Variants in SATB1 observed in about 807,000 individuals in gnomAD.
SATB1 encodes the protein DNA-binding protein SATB1.
SATB1 carries 11 observed loss-of-function variants against 86.9 expected under a neutral mutation model. The observed-to-expected ratio is 0.13, with a 90% confidence interval of 0.08 to 0.21. The LOEUF is 0.21. Among genes scored for constraint, SATB1 ranks in the 10% least tolerant of loss-of-function variants. The pLI is 1.00. For missense variants in SATB1, 551 were observed against 937.6 expected (o/e 0.59, Z 5.39); for synonymous variants, 357 against 357.2 (o/e 1.00, Z 0.01).
intron 7 of SATB1, among the ~76,000 whole-genome samples, chr3:18,390,227 A>C (rs1696582678): frequency 6.6e-6 from 1 of 152,178 alleles, no homozygotes; most frequent in Non-Finnish European, 1.5e-5. Flanking sequence ...CTTTGAACAT[A>C]ATCACTGATT....
Position 18,352,592 on chromosome 3 carries a change from G to T in SATB1, c.1576-397C>A, listed in dbSNP as rs1423062938. On this transcript the variant is annotated intron_variant, in intron 9 of 10. Transcript: ENST00000338745. This position sits in a 1 kb window ranked among gnomAD's most constrained non-coding sequence, Gnocchi z 4.1. ...TGCCTAAGAGGCAGGACAGATTTTAGAAATAATTTTTTTCTAAAAGGATTT... is the reference window on the plus strand; with the variant it reads ...TGCCTAAGAGGCAGGACAGATTTTATAAATAATTTTTTTCTAAAAGGATTT... 5.5e-6 allele frequency: 1 copy of T among 181,916 alleles called. No homozygotes were observed. The highest frequency in any genetic ancestry group is 1.2e-5 in the Non-Finnish European group (1 of 84,798). The allele number at this position is 181,916 out of a possible 1,614,324, so 11.3% of individuals were successfully genotyped here.
intron 9 of SATB1, among the ~76,000 whole-genome samples, chr3:18,367,211 C>T (rs1222625993): frequency 6.6e-6 from 1 of 152,100 alleles, no homozygotes; most frequent in South Asian, 2.1e-4. Context: ...GGTAAAACAT[C>T]GGTGAGTTTG....
chr3:18,445,537 A>G (rs750310553), exon 1 of SATB1: 11 of 984,600 alleles, frequency 1.1e-5, no homozygotes, highest in Non-Finnish European at 1.3e-5. Flanking sequence ...GGCCCCCAAC[A>G]CGCGCACTCC....
chr3:18,353,140 C>T (rs1694457988), intron 9 of SATB1: 1 of 152,324 alleles, frequency 6.6e-6, no homozygotes, highest in African/African-American at 2.4e-5. Context: ...TACCTCTCAC[C>T]TGCACTCTGC....
chr3:18,370,346 A>G (rs1160830490), intron 9 of SATB1, among the ~76,000 whole-genome samples: 2 of 151,980 alleles, frequency 1.3e-5, no homozygotes, highest in East Asian at 3.9e-4. Context: ...ATTCTGAACT[A>G]CTTCTTTCAA....
In SATB1 at chr3:18,424,948, CGTGA is replaced by C. The variant is rs1698604739; in HGVS notation, c.-1350_-1347del. The stretch of plus-strand genomic sequence containing the variant: ...AGGTGTGTGTGTGTTTGTGTGTGTG[CGTGA>C]GTGTGAGCGCGAGTCCCCGGACGGG... On this transcript the variant is annotated 5_prime_UTR_variant, in exon 1 of 11. The change abolishes the stop of an existing upstream ORF in the 5' untranslated region. Coordinates refer to ENST00000338745, the MANE Select transcript of SATB1 (RefSeq NM_002971.6). 6.5e-6 allele frequency: 1 copy of C among 154,936 alleles called. No individual in the cohort carries two copies. The highest frequency in any genetic ancestry group is 1.4e-5 in the Non-Finnish European group (1 of 70,156). 9.6% of individuals were successfully genotyped at this position (154,936 alleles called of 1,614,324 possible).
In SATB1 at chr3:18,355,323, A is replaced by G. The variant is rs549662931; in HGVS notation, c.1576-3128T>C. ...TAATTTATTCTAATGCTATTTAAAT[A>G]CCTTGGAATATTTTGACTACCTCAA... On this transcript the variant is annotated intron_variant, in intron 9 of 10. Coordinates refer to ENST00000338745, the MANE Select transcript of SATB1 (RefSeq NM_002971.6). Among the ~76,000 whole-genome samples the G allele has an allele frequency of 1.3e-4, 20 of 152,186 alleles. No homozygotes were observed. In the South Asian group the frequency reaches 1.9e-3, roughly 14 times the overall value.
In SATB1 at chr3:18,363,261, T is replaced by A. The variant is rs574552099; in HGVS notation, c.1576-11066A>T. On this transcript the variant is annotated intron_variant, in intron 9 of 10. Coordinates refer to ENST00000338745, the MANE Select transcript of SATB1 (RefSeq NM_002971.6). ...TCACTATGAGCTCCCAACTTGCCTA[T>A]GATTTTGCTGATAAAGTGTCCAAAA... Among the ~76,000 whole-genome samples, 109 of 152,306 alleles carry A rather than the reference T, an allele frequency of 7.2e-4. 3 individuals are homozygous for A. In the South Asian group the frequency reaches 0.021, roughly 30 times the overall value.
In SATB1 at chr3:18,367,668, C is replaced by A. The variant is rs118143956; in HGVS notation, c.1575+10502G>T. Among the ~76,000 whole-genome samples, 3 of 152,276 alleles carry A rather than the reference C, an allele frequency of 2.0e-5. No individual in the cohort carries two copies. The East Asian group carries it at 5.8e-4, about 29-fold the overall frequency. On this transcript the variant is annotated intron_variant, in intron 9 of 10. Transcript: ENST00000338745. ...TGAAAAGATGTGCTCTTTCTTTGTACTGAGAATACTGATCTTGTTAAACTC... is the reference window on the plus strand; with the variant it reads ...TGAAAAGATGTGCTCTTTCTTTGTAATGAGAATACTGATCTTGTTAAACTC...
At chr3:18,397,453 G>C (rs1697021844) in intron 5 of SATB1, among the ~76,000 whole-genome samples, 163 bp from the exon 6 acceptor site, 1 of 152,014 alleles carries the variant, frequency 6.6e-6, no homozygotes, top group Non-Finnish European at 1.5e-5. Flanking sequence ...TATTCATTAA[G>C]TAGATCATCA....
chr3:18,389,231 G>T (rs1233177873), intron 7 of SATB1, among the ~76,000 whole-genome samples: 1 of 148,296 alleles, frequency 6.7e-6, no homozygotes, highest in African/African-American at 2.5e-5. Flanking sequence ...AGCCAGTGTA[G>T]ACAGTCTCAG....
rs547082858 is a variant in SATB1 at position 18,349,767 on chromosome 3, C to T, written c.1780-85G>A. On this transcript the variant is annotated intron_variant, in intron 10 of 10. Coordinates refer to ENST00000338745, the MANE Select transcript of SATB1 (RefSeq NM_002971.6). The surrounding 1 kb of genome is among the most constrained non-coding windows in gnomAD (Gnocchi z 5.5). ...TCTCCAATCAGGAAAAATGTGGTCC[C>T]GGATCCTACATATAGCTTCTTTGAT... 5.8e-5 allele frequency: 86 copies of T among 1,492,264 alleles called. No homozygotes were observed. In the African/African-American group the frequency reaches 8.0e-4, roughly 14 times the overall value. 92.4% of individuals were successfully genotyped at this position (1,492,264 alleles called of 1,614,324 possible).
At chr3:18,361,505 G>C (rs1254319524) in intron 9 of SATB1, among the ~76,000 whole-genome samples, 2 of 152,028 alleles carry the variant, frequency 1.3e-5, no homozygotes, top group Non-Finnish European at 2.9e-5. Flanking sequence ...CTTCCCCTAA[G>C]CCAGGTTCTC....
In SATB1 at chr3:18,403,544, T is replaced by C. The variant is rs1034599180; in HGVS notation, c.640-6254A>G. Among the ~76,000 whole-genome samples, 39 of 152,260 alleles carry C rather than the reference T, an allele frequency of 2.6e-4. 1 individual carries two copies. The highest frequency in any genetic ancestry group is 9.4e-4 in the African/African-American group (39 of 41,566). On this transcript the variant is annotated intron_variant, in intron 5 of 10. Coordinates refer to ENST00000338745, the MANE Select transcript of SATB1 (RefSeq NM_002971.6). The stretch of plus-strand genomic sequence containing the variant: ...GTTCTACCTGTTTATAATACATATC[T>C]GTTATGTCTGTGCTTTAAATGAAAG...
intron 2 of SATB1, among the ~76,000 whole-genome samples, chr3:18,419,584 G>A (rs113228318): frequency 2.5e-4 from 38 of 152,262 alleles, no homozygotes; most frequent in East Asian, 7.7e-4. Context: ...GTTTGCAGGC[G>A]TCAGAAAGTC....
chr3:18,436,334 A>C (rs1241007718), intron 2 of SATB1, among the ~76,000 whole-genome samples: 1 of 152,136 alleles, frequency 6.6e-6, no homozygotes, highest in African/African-American at 2.4e-5. Context: ...CTGGAATATC[A>C]GAAGGATGGC....
chr3:18,439,794 G>C (rs1699189682), upstream of SATB1, among the ~76,000 whole-genome samples: 1 of 151,994 alleles, frequency 6.6e-6, no homozygotes, highest in Non-Finnish European at 1.5e-5. Context: ...TGTGAGTTCT[G>C]GAATTCAACT....
chr3:18,400,723 T>C (rs1388404556), intron 5 of SATB1, among the ~76,000 whole-genome samples: 3 of 152,192 alleles, frequency 2.0e-5, no homozygotes, highest in African/African-American at 7.2e-5. Context: ...CTCCTCCTCA[T>C]CACTGGGCTT....
At position 18,351,728 on chromosome 3, in the gene SATB1, A is replaced by T. The variant is rs932519684; in HGVS notation, c.1779+264T>A. On this transcript the variant is annotated intron_variant, in intron 10 of 10. Coordinates refer to ENST00000338745, the MANE Select transcript of SATB1 (RefSeq NM_002971.6). The stretch of plus-strand genomic sequence containing the variant: ...CTTAACACAAAACCCAATACCAACA[A>T]AGACACATTTGCCAAACGAGTGTAA... 2.4e-5 allele frequency: 13 copies of T among 532,670 alleles called. No homozygotes were observed. In the African/African-American group the frequency reaches 2.5e-4, roughly 10 times the overall value. The allele number at this position is 532,670 out of a possible 1,614,324, so 33.0% of individuals were successfully genotyped here. A position where few individuals can be genotyped will look rare whatever the true frequency, so the allele number is the denominator to read the frequency against.
Sources: gnomAD v4.1 joint callset for allele counts (sites outside exome capture counted in the v4.1 genomes callset) on GRCh38, gnomAD v4.1.1 for gene constraint, Gnocchi (gnomAD v3.1) non-coding constraint, MANE v1.5 for transcripts, NCBI Gene and HGNC (gene_info 2026-07-23, HGNC 2026-07-21) for gene names.